The following NELL2 variants were observed in gnomAD, a reference collection of about 807,000 sequenced individuals.
NELL2 encodes the protein protein kinase C-binding protein NELL2.
In NELL2, 41 loss-of-function variants were observed where a neutral mutation model predicts 109.6. That is an observed-to-expected ratio of 0.37 (90% CI 0.29 to 0.49). NELL2 has a LOEUF of 0.49. Ranked by LOEUF, NELL2 falls within the 20% of genes least tolerant of loss-of-function variation. The pLI is 0.98. For missense variants in NELL2, 900 were observed against 1,008.3 expected (o/e 0.89, Z 1.45); for synonymous variants, 355 against 344.7 (o/e 1.03, Z -0.33).
Position 44,713,215 on chromosome 12 carries a change from C to CACACAG in NELL2, c.1086+1434_1086+1435insCTGTGT, listed in dbSNP as rs1452907003. On this transcript the variant is annotated intron_variant, in intron 10 of 19. Coordinates refer to ENST00000429094, the MANE Select transcript of NELL2 (RefSeq NM_001145108.2). ...ACACACACACACACACACACACACA[C>CACACAG]AGAGAGAGACAGAGAGAGAGAGAGA... Among the ~76,000 whole-genome samples the CACACAG allele has an allele frequency of 1.4e-4, 20 of 143,302 alleles. No homozygotes were observed. The Middle Eastern group carries it at 0.01, about 75-fold the overall frequency. 94.0% of individuals were successfully genotyped at this position (143,302 alleles called of 152,430 possible). A position where few individuals can be genotyped will look rare whatever the true frequency, so the allele number is the denominator to read the frequency against.
At chr12:44,712,621 C>T (rs150493369) in intron 10 of NELL2, among the ~76,000 whole-genome samples, 2 of 151,850 alleles carry the variant, frequency 1.3e-5, no homozygotes, top group East Asian at 3.9e-4. Flanking sequence ...GAGCTAAGGG[C>T]CTTGAAGGGA....
chr12:44,763,231 C>T (rs1448390356), intron 9 of NELL2, among the ~76,000 whole-genome samples: 1 of 152,240 alleles, frequency 6.6e-6, no homozygotes, highest in African/African-American at 2.4e-5. Flanking sequence ...ATAAAAGTGA[C>T]CTTTCTGAGA....
chr12:44,867,168 T>G (rs1945024961), intron 2 of NELL2, among the ~76,000 whole-genome samples: 2 of 152,086 alleles, frequency 1.3e-5, no homozygotes, highest in South Asian at 4.1e-4. Flanking sequence ...CAAAGCCAAA[T>G]AAGGATACTA....
chr12:44,859,170 C>T (rs1944766947), intron 2 of NELL2, among the ~76,000 whole-genome samples: 1 of 152,154 alleles, frequency 6.6e-6, no homozygotes, highest in South Asian at 2.1e-4. Flanking sequence ...AGACATTTTC[C>T]TTTCCCTATT....
At chr12:44,849,257 C>A (rs1250955485) in intron 2 of NELL2, among the ~76,000 whole-genome samples, 1 of 152,060 alleles carries the variant, frequency 6.6e-6, no homozygotes, top group Non-Finnish European at 1.5e-5. Context: ...AGACAAGCCA[C>A]AAACTGGGAG....
chr12:44,562,343 G>A (rs2136183651), intron 15 of NELL2, among the ~76,000 whole-genome samples: 1 of 152,264 alleles, frequency 6.6e-6, no homozygotes, highest in East Asian at 1.9e-4. Context: ...AAGAGCTTCT[G>A]CACAGCAAAA....
chr12:44,863,686 A>T (rs1944907326), intron 2 of NELL2, among the ~76,000 whole-genome samples: 1 of 152,218 alleles, frequency 6.6e-6, no homozygotes, highest in Non-Finnish European at 1.5e-5. Context: ...AAAGAAAAGG[A>T]TGCTAATTAG....
At chr12:44,827,961 C>A (rs1774556275) in intron 2 of NELL2, among the ~76,000 whole-genome samples, 1 of 152,138 alleles carries the variant, frequency 6.6e-6, no homozygotes, top group African/African-American at 2.4e-5. Flanking sequence ...TCTCTACATT[C>A]TTTCTAGCAT....
chr12:44,752,342 TATC>T (rs1211428297), intron 9 of NELL2, among the ~76,000 whole-genome samples: 3 of 152,208 alleles, frequency 2.0e-5, no homozygotes, highest in African/African-American at 7.2e-5. Flanking sequence ...ATTTCATAAT[TATC>T]ATAACACCAT....
At chr12:44,812,943 T>C (rs543202853) in intron 3 of NELL2, among the ~76,000 whole-genome samples, 2 of 152,310 alleles carry the variant, frequency 1.3e-5, no homozygotes, top group East Asian at 3.9e-4. Flanking sequence ...TTTATTCCCA[T>C]GGAACCTTTA....
intron 2 of NELL2, among the ~76,000 whole-genome samples, chr12:44,865,212 G>T (rs1253065290): frequency 9.0e-6 from 1 of 111,446 alleles, no homozygotes; most frequent in African/African-American, 3.5e-5. Context: ...CTTTTTGATG[G>T]GGTTGTTTGT....
At chr12:44,742,204 T>C (rs1940019150) in intron 9 of NELL2, among the ~76,000 whole-genome samples, 2 of 152,176 alleles carry the variant, frequency 1.3e-5, no homozygotes, top group African/African-American at 2.4e-5. Flanking sequence ...AAACAGGGTC[T>C]GGAGTAGACC....
At chr12:44,521,282 T>C (rs1311825082) in intron 18 of NELL2, among the ~76,000 whole-genome samples, 2 of 152,062 alleles carry the variant, frequency 1.3e-5, no homozygotes, top group Non-Finnish European at 2.9e-5. Flanking sequence ...CTTTAGAAGG[T>C]TGCTTTGGGA....
chr12:44,876,760 G>A (rs1296510482), upstream of NELL2: 1 of 1,492,488 alleles, frequency 6.7e-7, no homozygotes, highest in Non-Finnish European at 8.9e-7. Flanking sequence ...AGCAGCCCCG[G>A]GGTGCAGGGC....
chr12:44,886,511 T>C (rs1284776457), intron 1 of NELL2, among the ~76,000 whole-genome samples: 1 of 151,952 alleles, frequency 6.6e-6, no homozygotes, highest in African/African-American at 2.4e-5. Flanking sequence ...AAATATTTAT[T>C]TTTTGCACTT....
intron 1 of NELL2, among the ~76,000 whole-genome samples, chr12:44,899,862 G>A (rs1299780525): frequency 6.6e-6 from 1 of 152,120 alleles, no homozygotes; most frequent in Non-Finnish European, 1.5e-5. Flanking sequence ...ATATTCAGGA[G>A]ACCCATCTTA....
At chr12:44,785,733 C>A (rs1592529207) in intron 3 of NELL2, among the ~76,000 whole-genome samples, 1 of 152,104 alleles carries the variant, frequency 6.6e-6, no homozygotes, top group South Asian at 2.1e-4. Context: ...CACACATCTA[C>A]AACCATCTAA....
At chr12:44,912,367 T>C (rs1389097043) in intron 1 of NELL2, among the ~76,000 whole-genome samples, 1 of 152,136 alleles carries the variant, frequency 6.6e-6, no homozygotes, top group African/African-American at 2.4e-5. Context: ...GAGGCATCTC[T>C]GATCAAACAG....
chr12:44,682,515 T>A (rs1285797812), intron 12 of NELL2, among the ~76,000 whole-genome samples: 1 of 152,178 alleles, frequency 6.6e-6, no homozygotes, highest in Non-Finnish European at 1.5e-5. Flanking sequence ...CTGAATGGTA[T>A]TGCCTAGGTT....
Sources: allele counts gnomAD v4.1 joint callset (sites outside exome capture counted in the v4.1 genomes callset), GRCh38; gene constraint gnomAD v4.1.1; transcripts MANE v1.5; gene names NCBI Gene and HGNC (gene_info 2026-07-23, HGNC 2026-07-21).